KLRG1: variants seen among roughly 807,000 people sequenced by gnomAD.
KLRG1 encodes killer cell lectin like receptor G1.
KLRG1 carries 16 observed loss-of-function variants against 21.8 expected under a neutral mutation model. That is an observed-to-expected ratio of 0.73 (90% CI 0.50 to 1.11). KLRG1 has a LOEUF of 1.11. Among genes scored for constraint, KLRG1 ranks in the 50% most tolerant of loss-of-function variants. KLRG1 has a pLI of 0.00. For missense variants in KLRG1, 173 were observed against 218.3 expected (o/e 0.79, Z 1.31); for synonymous variants, 69 against 75.9 (o/e 0.91, Z 0.47).
chr12:9,027,804 A>G, the KLRG1 span: 2 of 1,247,610 alleles, frequency 1.6e-6, no homozygotes, highest in African/African-American at 2.9e-5. Flanking sequence ...CACAGCTGCC[A>G]CCAAAGCCAC....
the KLRG1 span, among the ~76,000 whole-genome samples, chr12:9,023,463 T>C: frequency 2.6e-5 from 4 of 152,232 alleles, no homozygotes; most frequent in Admixed American, 2.0e-4. Context: ...CTTTGCCTAG[T>C]CCAAGGCCAC....
chr12:9,079,590 T>G, the KLRG1 span: 2 of 1,539,230 alleles, frequency 1.3e-6, no homozygotes, highest in Non-Finnish European at 1.8e-6. Flanking sequence ...TACTGGGAAA[T>G]CCAGTTGAAA....
chr12:9,138,252 C>T, the KLRG1 span, among the ~76,000 whole-genome samples: 2 of 151,772 alleles, frequency 1.3e-5, no homozygotes, highest in Non-Finnish European at 2.9e-5. Flanking sequence ...CAAATGCTTT[C>T]TCTGCTTGTA....
chr12:9,001,605 G>T (rs1004749701), intron 3 of KLRG1, among the ~76,000 whole-genome samples: 1 of 152,156 alleles, frequency 6.6e-6, no homozygotes, highest in Non-Finnish European at 1.5e-5. Flanking sequence ...ACATATGTAG[G>T]TCAAATGCTC....
the KLRG1 span, among the ~76,000 whole-genome samples, chr12:9,063,925 G>A: frequency 6.6e-6 from 1 of 152,156 alleles, no homozygotes; most frequent in Non-Finnish European, 1.5e-5. Context: ...TATCCTTAAA[G>A]TACCTTTTCA....
rs1324414683 is a variant in KLRG1 at position 9,010,079 on chromosome 12, G to C, written c.*542G>C. Reference sequence around the variant, plus strand: ...TGTGTACCTGTAGTCCTAGCTATTTGGGAAGCTGAGGTGGGAGGGTCGCTT... The same window carrying C: ...TGTGTACCTGTAGTCCTAGCTATTTCGGAAGCTGAGGTGGGAGGGTCGCTT... On this transcript the variant is annotated 3_prime_UTR_variant, in exon 5 of 5. Transcript: ENST00000356986. 1.4e-6 allele frequency: 2 copies of C among 1,446,150 alleles called. No homozygotes were observed. Among genetic ancestry groups the C allele is most frequent in the Admixed American group, 2.0e-5 (1 of 50,580 alleles). 89.6% of individuals were successfully genotyped at this position (1,446,150 alleles called of 1,614,324 possible).
intron 1 of KLRG1, among the ~76,000 whole-genome samples, chr12:8,959,747 C>T (rs756149525): frequency 1.5e-4 from 23 of 152,224 alleles, no homozygotes; most frequent in Middle Eastern, 3.4e-3. Context: ...AGAGGACTTA[C>T]GTGTCTTTCG....
chr12:9,106,659 A>G, the KLRG1 span: 1 of 889,724 alleles, frequency 1.1e-6, no homozygotes, highest in Non-Finnish European at 1.8e-6. Flanking sequence ...TACTAAATAG[A>G]TCAGTGGTCA....
chr12:8,955,713 A>T (rs1228330351), intron 1 of KLRG1, among the ~76,000 whole-genome samples: 2 of 151,626 alleles, frequency 1.3e-5, no homozygotes, highest in African/African-American at 2.4e-5. Context: ...TCTTTTTTTT[A>T]AATTATAGAT....
At chr12:9,096,429 T>A in the KLRG1 span, among the ~76,000 whole-genome samples, 1 of 152,230 alleles carries the variant, frequency 6.6e-6, no homozygotes, top group Non-Finnish European at 1.5e-5. Context: ...TGACTCAGTA[T>A]ATAGCAAAGT....
At chr12:9,154,752 T>C in the KLRG1 span, 3 of 1,614,006 alleles carry the variant, frequency 1.9e-6, no homozygotes, top group Admixed American at 1.7e-5. Context: ...GGATGTCATC[T>C]CCACCTCAGC....
the KLRG1 span, among the ~76,000 whole-genome samples, chr12:9,105,299 A>G: frequency 2.2e-4 from 33 of 152,358 alleles, no homozygotes; most frequent in Non-Finnish European, 3.7e-4. Context: ...TCTTCTAGCT[A>G]GAGAGTCTTA....
At chr12:9,135,174 C>T in the KLRG1 span, 1 of 227,978 alleles carries the variant, frequency 4.4e-6, no homozygotes, top group Non-Finnish European at 9.2e-6. Context: ...CGGGCAACAG[C>T]TGCAGACCTT....
the KLRG1 span, chr12:9,182,218 G>T: frequency 8.8e-7 from 1 of 1,132,266 alleles, no homozygotes; most frequent in Non-Finnish European, 1.2e-6. Context: ...ATCCACTTGA[G>T]AACTGCGTCC....
the KLRG1 span, among the ~76,000 whole-genome samples, chr12:9,128,922 T>G: frequency 6.6e-6 from 1 of 152,210 alleles, no homozygotes; most frequent in African/African-American, 2.4e-5. Context: ...TTGCTATGTA[T>G]TTAGGCTCTA....
chr12:9,154,378 A>G, the KLRG1 span, among the ~76,000 whole-genome samples: 1 of 152,196 alleles, frequency 6.6e-6, no homozygotes, highest in Non-Finnish European at 1.5e-5. Flanking sequence ...GTGGCTTTAG[A>G]GGGTAAAGAT....
At chr12:9,140,062 G>A in the KLRG1 span, among the ~76,000 whole-genome samples, 2 of 152,148 alleles carry the variant, frequency 1.3e-5, no homozygotes, top group Admixed American at 6.5e-5. Context: ...TGGCTGGGGA[G>A]GGGTTTATTT....
intron 1 of KLRG1, among the ~76,000 whole-genome samples, chr12:8,955,266 A>G (rs1946270535): frequency 6.6e-6 from 1 of 152,008 alleles, no homozygotes; most frequent in South Asian, 2.1e-4. Flanking sequence ...AATGCATCAT[A>G]ACTGTTATCT....
the KLRG1 span, among the ~76,000 whole-genome samples, chr12:9,065,521 C>T: frequency 3.3e-5 from 5 of 152,180 alleles, no homozygotes; most frequent in African/African-American, 1.2e-4. Context: ...AGCCCCCTGC[C>T]GTCTCGGCCC....
Sources: gnomAD v4.1 joint callset for allele counts (sites outside exome capture counted in the v4.1 genomes callset) on GRCh38, gnomAD v4.1.1 for gene constraint, MANE v1.5 for transcripts, NCBI Gene and HGNC (gene_info 2026-07-23, HGNC 2026-07-21) for gene names.